Variants in ERBB4 observed in about 807,000 individuals in gnomAD.
ERBB4 encodes the protein receptor tyrosine-protein kinase erbB-4.
In ERBB4, 42 loss-of-function variants were observed where a neutral mutation model predicts 158.0. The ratio of observed to expected loss-of-function variants is 0.27; its 90% CI spans 0.21 to 0.34. ERBB4 has a LOEUF of 0.34. Among genes scored for constraint, ERBB4 ranks in the 10% least tolerant of loss-of-function variants. The probability of loss-of-function intolerance (pLI) is 1.00; values close to 1 mark genes in which losing one functional copy is unlikely to be tolerated. For missense variants in ERBB4, 1,333 were observed against 1,624.1 expected (o/e 0.82, Z 3.08); for synonymous variants, 583 against 558.7 (o/e 1.04, Z -0.61).
chr2:212,188,233 T>TCTCC (rs1559691540), intron 1 of ERBB4, among the ~76,000 whole-genome samples: 5 of 16,568 alleles, frequency 3.0e-4, no homozygotes, highest in African/African-American at 1.4e-3. Context: ...TCTCTCTCTC[T>TCTCC]CCCCCCCCCT....
intron 1 of ERBB4, among the ~76,000 whole-genome samples, chr2:212,152,954 C>T (rs555624408): frequency 3.2e-4 from 48 of 152,268 alleles, no homozygotes; most frequent in African/African-American, 1.1e-3. Flanking sequence ...CCACATTTTA[C>T]TGCTGCTAAT....
chr2:211,902,221 C>G (rs1166817210), intron 3 of ERBB4, among the ~76,000 whole-genome samples: 1 of 152,010 alleles, frequency 6.6e-6, no homozygotes, highest in African/African-American at 2.4e-5. Context: ...TGCGAAAAAA[C>G]AAATAAAACA....
Position 211,665,313 on chromosome 2 carries a change from G to A in ERBB4, c.1871+10C>T. The A allele has an allele frequency of 6.2e-7, 1 of 1,613,998 alleles. No individual in the cohort carries two copies. Among genetic ancestry groups the A allele is most frequent in the Non-Finnish European group, 8.5e-7 (1 of 1,179,878 alleles). ...TACCAGGTGAGCCCTTGGCCAGCAA[G>A]AATGCTTACCCTTGGGTGCAGTTTG... On this transcript the variant is annotated intron_variant, in intron 15 of 27. Transcript: ENST00000342788.
intron 1 of ERBB4, among the ~76,000 whole-genome samples, chr2:212,477,445 C>A (rs879576827): frequency 6.6e-6 from 1 of 152,120 alleles, no homozygotes; most frequent in Non-Finnish European, 1.5e-5. Context: ...CCCTCAGGAC[C>A]ACAAACACTT....
chr2:212,077,446 T>C (rs2078307581), intron 2 of ERBB4, among the ~76,000 whole-genome samples: 2 of 151,990 alleles, frequency 1.3e-5, no homozygotes, highest in Non-Finnish European at 2.9e-5. Flanking sequence ...TGTAATGGAA[T>C]AGTATAAGGA....
chr2:211,602,788 T>C (rs1446114552), intron 19 of ERBB4, among the ~76,000 whole-genome samples: 1 of 152,126 alleles, frequency 6.6e-6, no homozygotes, highest in Non-Finnish European at 1.5e-5. Context: ...GAGGAAGATA[T>C]GGTATCCCCG....
At chr2:211,508,432 TC>T (rs1174016012) in intron 20 of ERBB4, among the ~76,000 whole-genome samples, 12 of 152,126 alleles carry the variant, frequency 7.9e-5, no homozygotes, top group Non-Finnish European at 1.5e-4. Flanking sequence ...TGAGATACCA[TC>T]TCACACCAGT....
intron 12 of ERBB4, among the ~76,000 whole-genome samples, chr2:211,696,675 A>ATT (rs60678091): frequency 0.81 from 122,567 of 151,666 alleles, 49,996 homozygotes; most frequent in Non-Finnish European, 0.83. Context: ...ATTTTTATTT[A>ATT]TATATATTTT....
intron 1 of ERBB4, among the ~76,000 whole-genome samples, chr2:212,395,728 T>C (rs2091006450): frequency 6.8e-6 from 1 of 147,592 alleles, no homozygotes; most frequent in South Asian, 2.2e-4. Context: ...CAAGCAATTC[T>C]CCTGCCTCAG....
At chr2:212,104,082 A>G (rs1334459881) in intron 2 of ERBB4, among the ~76,000 whole-genome samples, 1 of 152,094 alleles carries the variant, frequency 6.6e-6, no homozygotes, top group Non-Finnish European at 1.5e-5. Flanking sequence ...ATACCATCTC[A>G]TTATTAACCT....
At chr2:211,793,468 TA>T (rs2076320102) in intron 3 of ERBB4, among the ~76,000 whole-genome samples, 2 of 151,906 alleles carry the variant, frequency 1.3e-5, no homozygotes, top group African/African-American at 4.8e-5. Flanking sequence ...ATGTCAGACT[TA>T]TACTATCTAT....
rs551364629 is a variant in ERBB4, at chr2:212,518,586, C to A, written c.82+19863G>T. Among the ~76,000 whole-genome samples, 9 of 152,020 alleles carry A rather than the reference C, an allele frequency of 5.9e-5. No individual in the cohort carries two copies. The South Asian group carries it at 1.9e-3, about 32-fold the overall frequency. On this transcript the variant is annotated intron_variant, in intron 1 of 27. Transcript: ENST00000342788. Reference sequence around the variant, plus strand: ...AATCAAATATTTGTGTAAAAATTAACCATTTATGGTACCACAAGCCCCTAT... The same window carrying A: ...AATCAAATATTTGTGTAAAAATTAAACATTTATGGTACCACAAGCCCCTAT...
chr2:212,155,856 T>C (rs2081019963), intron 1 of ERBB4, among the ~76,000 whole-genome samples: 1 of 152,110 alleles, frequency 6.6e-6, no homozygotes, highest in African/African-American at 2.4e-5. Context: ...ATATTAGTTA[T>C]TAAATTTCCT....
intron 6 of ERBB4, among the ~76,000 whole-genome samples, chr2:211,724,855 A>G (rs1221783093): frequency 1.3e-5 from 2 of 152,238 alleles, no homozygotes; most frequent in Non-Finnish European, 2.9e-5. Flanking sequence ...CATTTGTAAC[A>G]TAAATTATAT....
At chr2:211,571,721 G>A (rs939880603) in intron 19 of ERBB4, among the ~76,000 whole-genome samples, 1 of 152,032 alleles carries the variant, frequency 6.6e-6, no homozygotes, top group African/African-American at 2.4e-5. Flanking sequence ...CCAAATCCTT[G>A]TTGAATATAT....
In ERBB4 at chr2:211,714,603, G is replaced by C. The variant is rs560752839; in HGVS notation, c.884-955C>G. Among the ~76,000 whole-genome samples the C allele has an allele frequency of 3.9e-5, 6 of 152,258 alleles. No individual in the cohort carries two copies. In the South Asian group the frequency reaches 1.2e-3, roughly 32 times the overall value. The stretch of plus-strand genomic sequence containing the variant: ...AGTTTCATCAGAAAATCACAACAGA[G>C]ACTTCTAGGTTTTTAGAGCTAAGCT... On this transcript the variant is annotated intron_variant, in intron 7 of 27. Coordinates refer to ENST00000342788, the MANE Select transcript of ERBB4 (RefSeq NM_005235.3).
chr2:211,928,506 T>C (rs2080081008), intron 3 of ERBB4, among the ~76,000 whole-genome samples: 1 of 152,124 alleles, frequency 6.6e-6, no homozygotes. Context: ...ACATAAACTC[T>C]CCTGTAGAAA....
chr2:212,013,416 T>A (rs895693311), intron 2 of ERBB4, among the ~76,000 whole-genome samples: 2 of 152,206 alleles, frequency 1.3e-5, no homozygotes, highest in African/African-American at 4.8e-5. Flanking sequence ...GACACTGTTT[T>A]AAGGCCTGGG....
intron 20 of ERBB4, among the ~76,000 whole-genome samples, chr2:211,514,811 A>G (rs1267468194): frequency 6.6e-6 from 1 of 152,172 alleles, no homozygotes; most frequent in Non-Finnish European, 1.5e-5. Context: ...TCTAATCTGG[A>G]AATCCGAAAT....
Sources: gnomAD v4.1 joint callset for allele counts (sites outside exome capture counted in the v4.1 genomes callset) on GRCh38, gnomAD v4.1.1 for gene constraint, MANE v1.5 for transcripts, NCBI Gene and HGNC (gene_info 2026-07-23, HGNC 2026-07-21) for gene names.